Variants in TRPC7 observed in about 807,000 individuals in gnomAD.
TRPC7 encodes transient receptor potential cation channel subfamily C member 7, also known as short transient receptor potential channel 7.
TRPC7 carries 42 observed loss-of-function variants against 90.1 expected under a neutral mutation model. The observed-to-expected ratio is 0.47, with a 90% CI of 0.36 to 0.60. The LOEUF (loss-of-function observed/expected upper bound fraction) is 0.60, where lower values mean the gene tolerates loss of function less well. Ranked by LOEUF, TRPC7 falls within the 20% of genes least tolerant of loss-of-function variation. TRPC7 has a pLI of 0.00. For synonymous variants in TRPC7, 451 were observed against 436.3 expected, an observed-to-expected ratio of 1.03 and a Z score of -0.42; for missense variants, 955 against 1,112.3, an observed-to-expected ratio of 0.86 and a Z score of 2.01.
intron 3 of TRPC7, among the ~76,000 whole-genome samples, chr5:136,280,215 C>T (rs1561699398): frequency 6.6e-6 from 1 of 152,132 alleles, no homozygotes; most frequent in Non-Finnish European, 1.5e-5. Flanking sequence ...CTCCAAGTCC[C>T]ACCAAGTTCC....
At chr5:136,346,523 T>C (rs1477323) in intron 2 of TRPC7, among the ~76,000 whole-genome samples, 101,223 of 151,958 alleles carry the variant, frequency 0.67, 33,872 homozygotes, top group Admixed American at 0.73. Flanking sequence ...GTGGAACACA[T>C]ACACCATGTA....
intron 2 of TRPC7, among the ~76,000 whole-genome samples, chr5:136,319,389 C>T (rs899430323): frequency 6.6e-6 from 1 of 151,978 alleles, no homozygotes; most frequent in Non-Finnish European, 1.5e-5. Flanking sequence ...TGGCAATCTT[C>T]CTTTCTCTCT....
chr5:136,356,551 A>C, intron 2 of TRPC7, 57 bp downstream of exon 2: 2 of 1,445,452 alleles, frequency 1.4e-6, no homozygotes, highest in Non-Finnish European at 1.8e-6. Context: ...CACACTGGAC[A>C]CACGTGGAAG....
chr5:136,299,156 C>T lies in TRPC7; in HGVS notation c.963+16441G>A, dbSNP rs544318440. On this transcript the variant is annotated intron_variant, in intron 3 of 11. Coordinates refer to ENST00000513104, the MANE Select transcript of TRPC7 (RefSeq NM_020389.3). ...GTCTCTACTAAAAATACAAAATTAG[C>T]TGGGCGTGCTAGTGCATGCCTGTAA... Among the ~76,000 whole-genome samples the T allele has an allele frequency of 2.0e-5, 3 of 152,140 alleles. No individual in the cohort carries two copies. In the South Asian group the frequency reaches 6.2e-4, roughly 32 times the overall value.
intron 2 of TRPC7, among the ~76,000 whole-genome samples, chr5:136,321,561 C>T (rs1010612885): frequency 9.9e-5 from 15 of 152,170 alleles, no homozygotes; most frequent in African/African-American, 3.4e-4. Flanking sequence ...TAATAAATAA[C>T]ACAAATAACA....
chr5:136,365,044 G>T (rs759099571), intron 1 of TRPC7, among the ~76,000 whole-genome samples: 3 of 147,504 alleles, frequency 2.0e-5, no homozygotes, highest in Admixed American at 6.9e-5. Context: ...TTTCTAAATG[G>T]CTTTGAAAAC....
At chr5:136,226,392 A>G in intron 8 of TRPC7, 137 bp from the exon 9 acceptor site, 1 of 653,836 alleles carries the variant, frequency 1.5e-6, no homozygotes, top group South Asian at 1.9e-5. Flanking sequence ...TTTTCTACAG[A>G]TGGCACAGAG....
rs376328089 is a variant in TRPC7, at chr5:136,216,319, T to A, written c.2344-44A>T. On this transcript the variant is annotated intron_variant, in intron 10 of 11. Transcript: ENST00000513104. ...AAGGGATCAGACAGGGCTGGCCTAA[T>A]GCAGAGGCAGCCTGCGTGGTGTAGC... The A allele has an allele frequency of 3.5e-5, 53 of 1,507,952 alleles. No homozygotes were observed. In the African/African-American group the frequency reaches 7.1e-4, roughly 20 times the overall value. The allele number at this position is 1,507,952 out of a possible 1,614,324, so 93.4% of individuals were successfully genotyped here.
At position 136,225,320 on chromosome 5, in the gene TRPC7, T is replaced by C. The variant is rs1755589720; in HGVS notation, c.2297A>G (p.Glu766Gly). 6.2e-7 allele frequency: 1 copy of C among 1,613,226 alleles called. No homozygotes were observed. The highest frequency in any genetic ancestry group is 1.3e-5 in the African/African-American group (1 of 74,930). Residue 766 changes from glutamate to glycine, a missense_variant, in exon 10 of 12, where the codon GAA becomes GGA. Physicochemically the swap from Glu to Gly is moderately conservative, Grantham distance 98. Transcript: ENST00000513104. ...TRYQAGMRNS[E>G]NLTANNTLSK... Reference sequence around the variant, plus strand: ...CAAAGTGTTATTTGCTGTCAGATTTTCAGAATTCCTCATGCCAGCCTGGTA... The same window carrying C: ...CAAAGTGTTATTTGCTGTCAGATTTCCAGAATTCCTCATGCCAGCCTGGTA...
chr5:136,295,509 C>T (rs144787958), intron 3 of TRPC7, among the ~76,000 whole-genome samples: 113 of 152,182 alleles, frequency 7.4e-4, no homozygotes, highest in South Asian at 1.2e-3. Flanking sequence ...GGCTTAGCCC[C>T]AATAGTCCCC....
At chr5:136,235,005 T>TA (rs1268629695) in intron 7 of TRPC7, among the ~76,000 whole-genome samples, 1 of 152,010 alleles carries the variant, frequency 6.6e-6, no homozygotes, top group African/African-American at 2.4e-5. Flanking sequence ...AAATTCATGG[T>TA]AAAAACACTA....
At chr5:136,316,373 G>A (rs1759027375) in intron 2 of TRPC7, among the ~76,000 whole-genome samples, 1 of 152,190 alleles carries the variant, frequency 6.6e-6, no homozygotes, top group South Asian at 2.1e-4. Context: ...TTGCACAGGT[G>A]TGCTTTTTTG....
At chr5:136,286,535 G>T (rs1757725085) in intron 3 of TRPC7, among the ~76,000 whole-genome samples, 1 of 152,196 alleles carries the variant, frequency 6.6e-6, no homozygotes, top group Non-Finnish European at 1.5e-5. Flanking sequence ...TGAGGTGCCT[G>T]CCATGTGGGT....
intron 4 of TRPC7, among the ~76,000 whole-genome samples, chr5:136,267,542 G>T (rs541052578): frequency 6.6e-6 from 1 of 152,178 alleles, no homozygotes; most frequent in Non-Finnish European, 1.5e-5. Context: ...TGGTTCAACA[G>T]AAGATCAATT....
At chr5:136,277,298 A>T (rs1452306072) in intron 3 of TRPC7, among the ~76,000 whole-genome samples, 2 of 152,196 alleles carry the variant, frequency 1.3e-5, no homozygotes, top group Non-Finnish European at 2.9e-5. Context: ...CTCTGATTGG[A>T]CCTTTGCTAA....
At chr5:136,343,643 C>T (rs1759913477) in intron 2 of TRPC7, among the ~76,000 whole-genome samples, 1 of 152,140 alleles carries the variant, frequency 6.6e-6, no homozygotes, top group Admixed American at 6.5e-5. Context: ...AAGGTCTTCA[C>T]TTCTGAAAGC....
chr5:136,216,419 G>T, intron 10 of TRPC7, 144 bp from the exon 11 acceptor site: 2 of 684,542 alleles, frequency 2.9e-6, no homozygotes, highest in Non-Finnish European at 5.1e-6. Flanking sequence ...CTCTGGAGGG[G>T]TGCCCTGCAC....
chr5:136,246,443 T>A (rs538520911), intron 7 of TRPC7, among the ~76,000 whole-genome samples: 1 of 152,200 alleles, frequency 6.6e-6, no homozygotes, highest in African/African-American at 2.4e-5. Context: ...ATGGGACTGA[T>A]CTGGATGATA....
At chr5:136,305,340 C>CT (rs1758579307) in intron 3 of TRPC7, among the ~76,000 whole-genome samples, 1 of 152,152 alleles carries the variant, frequency 6.6e-6, no homozygotes, top group East Asian at 1.9e-4. Context: ...CAAAGGCAGG[C>CT]TATGCTATAG....
Sources: gnomAD v4.1 joint callset for allele counts (sites outside exome capture counted in the v4.1 genomes callset) on GRCh38, gnomAD v4.1.1 for gene constraint, MANE v1.5 for transcripts, NCBI Gene and HGNC (gene_info 2026-07-23, HGNC 2026-07-21) for gene names.